CDH13: variants seen among roughly 807,000 people sequenced by gnomAD.
The protein encoded by CDH13 is cadherin 13, also known as cadherin-13.
A neutral mutation model predicts 63.8 loss-of-function variants in CDH13; 24 were observed. The observed-to-expected ratio is 0.38, with a 90% CI of 0.27 to 0.53. The LOEUF (loss-of-function observed/expected upper bound fraction) is 0.53, where lower values mean the gene tolerates loss of function less well. CDH13 is among the 20% of genes least tolerant of loss of function. The probability of loss-of-function intolerance (pLI) is 0.85; values close to 1 mark genes in which losing one functional copy is unlikely to be tolerated. For missense variants in CDH13, 1,049 were observed against 903.1 expected (o/e 1.16, Z -2.07); for synonymous variants, 503 against 355.3 (o/e 1.42, Z -4.67).
intron 2 of CDH13, among the ~76,000 whole-genome samples, chr16:83,011,019 C>G (rs1322832767): frequency 6.6e-6 from 1 of 152,158 alleles, no homozygotes; most frequent in African/African-American, 2.4e-5. Flanking sequence ...TTTTAAATGG[C>G]TTACTCACTG....
At chr16:82,895,033 C>T (rs562033081) in intron 2 of CDH13, among the ~76,000 whole-genome samples, 1 of 152,152 alleles carries the variant, frequency 6.6e-6, no homozygotes, top group Non-Finnish European at 1.5e-5. Flanking sequence ...ATGATGTTTT[C>T]CTTCTTCCTG....
At chr16:83,234,014 G>C (rs940755282) in intron 5 of CDH13, among the ~76,000 whole-genome samples, 2 of 152,204 alleles carry the variant, frequency 1.3e-5, no homozygotes, top group Non-Finnish European at 2.9e-5. Flanking sequence ...GGAAAGCAGG[G>C]ATGGATAATG....
chr16:83,048,610 C>T (rs960252667), intron 3 of CDH13, among the ~76,000 whole-genome samples: 3 of 152,148 alleles, frequency 2.0e-5, no homozygotes, highest in Non-Finnish European at 4.4e-5. Flanking sequence ...TCATACCATC[C>T]ATTTCAGTTC....
chr16:83,244,482 TAA>T (rs1904787054), intron 5 of CDH13, among the ~76,000 whole-genome samples: 1 of 152,176 alleles, frequency 6.6e-6, no homozygotes. Flanking sequence ...GCTCGGTGTT[TAA>T]CATACATTCT....
rs1360862248 is a variant in CDH13 at position 83,356,230 on chromosome 16, G to A, written c.781+11224G>A. ...TATTTTCATGTGTGTGTGTGTGTGT[G>A]TGTGTGTGTGTGTGTGTGTGTGTGT... On this transcript the variant is annotated intron_variant, in intron 6 of 13. Coordinates refer to ENST00000567109, the MANE Select transcript of CDH13 (RefSeq NM_001257.5). 1.0e-3 allele frequency among the ~76,000 whole-genome samples: 91 copies of A among 88,496 alleles called. 1 individual carries two copies. The highest frequency in any genetic ancestry group is 3.7e-3 in the African/African-American group (56 of 15,212). 58.1% of individuals were successfully genotyped at this position (88,496 alleles called of 152,430 possible). A position where few individuals can be genotyped will look rare whatever the true frequency, so the allele number is the denominator to read the frequency against.
At chr16:83,491,641 C>T (rs1009836874) in intron 7 of CDH13, among the ~76,000 whole-genome samples, 3 of 150,986 alleles carry the variant, frequency 2.0e-5, no homozygotes, top group Non-Finnish European at 4.4e-5. Context: ...TTAACATTTG[C>T]ATTGAGAAAG....
At chr16:83,653,923 G>A (rs532318338) in intron 8 of CDH13, among the ~76,000 whole-genome samples, 1 of 152,306 alleles carries the variant, frequency 6.6e-6, no homozygotes, top group East Asian at 1.9e-4. Flanking sequence ...ACAGGGGATT[G>A]AAGGCTTGGA....
chr16:82,729,921 A>T (rs1231619148), intron 1 of CDH13, among the ~76,000 whole-genome samples: 1 of 152,182 alleles, frequency 6.6e-6, no homozygotes, highest in African/African-American at 2.4e-5. Flanking sequence ...TTATGTTATG[A>T]AGAAAGCTTT....
intron 7 of CDH13, among the ~76,000 whole-genome samples, chr16:83,495,169 C>A (rs558617527): frequency 6.6e-5 from 10 of 152,278 alleles, no homozygotes; most frequent in East Asian, 5.8e-4. Context: ...ACCCTGAGAA[C>A]ATATGCCCAA....
At chr16:82,911,824 T>TC (rs2041840826) in intron 2 of CDH13, among the ~76,000 whole-genome samples, 1 of 151,822 alleles carries the variant, frequency 6.6e-6, no homozygotes, top group Non-Finnish European at 1.5e-5. Context: ...ACCACCAAAT[T>TC]CCCCAAAAGC....
At chr16:83,676,074 G>T (rs1204817487) in intron 9 of CDH13, among the ~76,000 whole-genome samples, 3 of 152,146 alleles carry the variant, frequency 2.0e-5, no homozygotes, top group Admixed American at 6.5e-5. Context: ...CCCCAGGAAA[G>T]AAGGAGAGGA....
At chr16:82,680,132 A>G (rs1478583597) in intron 1 of CDH13, among the ~76,000 whole-genome samples, 1 of 152,206 alleles carries the variant, frequency 6.6e-6, no homozygotes, top group Non-Finnish European at 1.5e-5. Context: ...TTGGCTCAGC[A>G]TCTGGGAAGA....
chr16:83,652,981 A>C lies in CDH13; in HGVS notation c.1102-17809A>C, dbSNP rs1912529172. Among the ~76,000 whole-genome samples the C allele has an allele frequency of 2.0e-5, 3 of 152,242 alleles. No homozygotes were observed. In the South Asian group the frequency reaches 6.2e-4, roughly 31 times the overall value. ...TGCTTTCAGCCACACAAAGGACTGA[A>C]GTACTGATCCACGCTACAGTGTGGA... On this transcript the variant is annotated intron_variant, in intron 8 of 13. Coordinates refer to ENST00000567109, the MANE Select transcript of CDH13 (RefSeq NM_001257.5).
chr16:83,180,332 G>A (rs1357714244), intron 4 of CDH13, among the ~76,000 whole-genome samples: 1 of 150,936 alleles, frequency 6.6e-6, no homozygotes, highest in Non-Finnish European at 1.5e-5. Flanking sequence ...GACGATGGAT[G>A]TATTTTTTTT....
At chr16:83,448,053 A>G (rs1033705140) in intron 6 of CDH13, among the ~76,000 whole-genome samples, 2 of 152,212 alleles carry the variant, frequency 1.3e-5, no homozygotes, top group East Asian at 3.8e-4. Context: ...GAGGAAAAGC[A>G]CAGTGTTTAG....
chr16:83,257,232 A>G (rs1167441567), intron 5 of CDH13, among the ~76,000 whole-genome samples: 1 of 151,998 alleles, frequency 6.6e-6, no homozygotes, highest in Non-Finnish European at 1.5e-5. Context: ...GACAGAATAT[A>G]CACAGGCGAA....
chr16:83,414,806 C>T (rs1319370380), intron 6 of CDH13, among the ~76,000 whole-genome samples: 1 of 152,166 alleles, frequency 6.6e-6, no homozygotes, highest in East Asian at 1.9e-4. Context: ...TATTTATCCA[C>T]TCATCCATCA....
intron 8 of CDH13, among the ~76,000 whole-genome samples, chr16:83,612,157 T>C (rs983822610): frequency 6.6e-6 from 1 of 152,100 alleles, no homozygotes; most frequent in African/African-American, 2.4e-5. Flanking sequence ...TTGGTACTAT[T>C]AAATTTTTAA....
intron 2 of CDH13, among the ~76,000 whole-genome samples, chr16:83,023,908 G>A (rs868386442): frequency 6.6e-6 from 1 of 152,074 alleles, no homozygotes; most frequent in South Asian, 2.1e-4. Flanking sequence ...TTTTTCTTTT[G>A]AGTCAATGTC....
Sources: gnomAD v4.1 joint callset for allele counts (sites outside exome capture counted in the v4.1 genomes callset) on GRCh38, gnomAD v4.1.1 for gene constraint, MANE v1.5 for transcripts, NCBI Gene and HGNC (gene_info 2026-07-23, HGNC 2026-07-21) for gene names.